The following PCNX2 variants were observed in gnomAD, a reference collection of about 807,000 sequenced individuals.
The protein encoded by PCNX2 is pecanex 2.
Under a neutral mutation model 223.8 loss-of-function variants are expected in PCNX2, and 168 were observed. The ratio of observed to expected loss-of-function variants is 0.75; its 90% CI spans 0.66 to 0.85. PCNX2 has a LOEUF of 0.85. Among genes scored for constraint, PCNX2 ranks in the 40% least tolerant of loss-of-function variants. The pLI, the probability that PCNX2 is intolerant of heterozygous loss-of-function variation, is 0.00. For synonymous variants in PCNX2, 1,006 were observed against 1,052.6 expected, an observed-to-expected ratio of 0.96 and a Z score of 0.86; for missense variants, 2,507 against 2,675.5, an observed-to-expected ratio of 0.94 and a Z score of 1.39.
chr1:233,225,641 C>A (rs1475886025), intron 10 of PCNX2, among the ~76,000 whole-genome samples: 1 of 152,200 alleles, frequency 6.6e-6, no homozygotes, highest in East Asian at 1.9e-4. Context: ...CCTTCCTAGA[C>A]TTCCAATGGA....
the PCNX2 span, among the ~76,000 whole-genome samples, chr1:233,320,055 C>A: frequency 1.3e-5 from 2 of 152,076 alleles, no homozygotes; most frequent in African/African-American, 4.8e-5. Context: ...AATATATTGT[C>A]CTGGCTGAAG....
intron 25 of PCNX2, among the ~76,000 whole-genome samples, chr1:233,028,476 T>C (rs1671158235): frequency 6.6e-6 from 1 of 152,222 alleles, no homozygotes; most frequent in African/African-American, 2.4e-5. Context: ...TATTATGAAA[T>C]ATACTTCTTT....
intron 21 of PCNX2, among the ~76,000 whole-genome samples, chr1:233,114,149 G>A (rs1370055901): frequency 6.6e-6 from 1 of 152,164 alleles, no homozygotes; most frequent in Non-Finnish European, 1.5e-5. Flanking sequence ...TACTTAAAAG[G>A]GTGAAAGGAT....
In PCNX2 at chr1:233,227,389, A is replaced by G; in HGVS notation, c.2359-18T>C. The G allele has an allele frequency of 2.5e-6, 4 of 1,606,232 alleles. No homozygotes were observed. The highest frequency in any genetic ancestry group is 1.1e-5 in the South Asian group (1 of 89,556). On this transcript the variant is annotated intron_variant, in intron 9 of 33. Coordinates refer to ENST00000258229, the MANE Select transcript of PCNX2 (RefSeq NM_014801.4). ...CTCACATGCTTTTAGATACCAAAAG[A>G]AACAACAGAAAAAAGGGCTTTATGT...
intron 28 of PCNX2, among the ~76,000 whole-genome samples, chr1:233,004,854 C>A (rs1016241597): frequency 1.3e-5 from 2 of 152,212 alleles, no homozygotes. Context: ...GAAACAGGAA[C>A]AGCCAGGGGC....
In PCNX2 at chr1:233,217,903, A is replaced by G; in HGVS notation, c.2687T>C (p.Ile896Thr). The G allele has an allele frequency of 1.2e-6, 2 of 1,613,926 alleles. No homozygotes were observed. Among genetic ancestry groups the G allele is most frequent in the Middle Eastern group, 1.7e-4 (1 of 6,058 alleles). ...KSVQPDPASP[I>T]HGHNQIITYS... ...TGCCTGTATTTGGAAACTTACGTGT[A>G]TTGGTGAGGCGGGGTCAGGCTGAAC... The change falls in exon 12 of 34, where the codon ATA (isoleucine) becomes ACA (threonine). Residue 896 changes from isoleucine to threonine, a missense_variant. This residue lies in a region of PCNX2 where 104 missense variants were observed against 144.4 expected (regional missense o/e 0.72). Transcript: ENST00000258229.
chr1:233,139,981 T>C lies in PCNX2; in HGVS notation c.3518-126A>G. ...GCTGCTAATTAAGAACTCGTGATAC[T>C]AGACATGATATACCATTTTTTTCCA... On this transcript the variant is annotated intron_variant, in intron 19 of 33. Transcript: ENST00000258229. This position sits in a 1 kb window ranked among gnomAD's most constrained non-coding sequence, Gnocchi z 4.4. 8.4e-7 allele frequency: 1 copy of C among 1,188,870 alleles called. No individual in the cohort carries two copies. Among genetic ancestry groups the C allele is most frequent in the Non-Finnish European group, 1.2e-6 (1 of 866,706 alleles). The allele number at this position is 1,188,870 out of a possible 1,614,324, so 73.6% of individuals were successfully genotyped here.
intron 25 of PCNX2, among the ~76,000 whole-genome samples, chr1:233,045,925 G>T (rs1182344324): frequency 6.6e-6 from 1 of 152,250 alleles, no homozygotes; most frequent in Non-Finnish European, 1.5e-5. Context: ...TGCAAAGCCT[G>T]CTTTGCTAGC....
intron 21 of PCNX2, among the ~76,000 whole-genome samples, chr1:233,125,652 G>A (rs1426928637): frequency 6.6e-6 from 1 of 152,140 alleles, no homozygotes; most frequent in Admixed American, 6.5e-5. Flanking sequence ...ATGAACATGT[G>A]ACACAAAACG....
intron 15 of PCNX2, among the ~76,000 whole-genome samples, chr1:233,191,243 C>T (rs1005017060): frequency 1.6e-4 from 24 of 152,160 alleles, no homozygotes; most frequent in African/African-American, 5.3e-4. Context: ...GTCTTTTCCT[C>T]CTCCCATATC....
rs552561176 is a variant in PCNX2 at position 233,028,979 on chromosome 1, C to A, written c.4352-3580G>T. On this transcript the variant is annotated intron_variant, in intron 25 of 33. Transcript: ENST00000258229. ...TCAGCCTCCTGAGTAGCTGGGATTA[C>A]AGGTGCCTGCCACCAGGTCCCGCTA... Among the ~76,000 whole-genome samples the A allele has an allele frequency of 3.3e-3, 502 of 151,866 alleles. 1 individual carries two copies. Among genetic ancestry groups the A allele is most frequent in the Admixed American group, 7.4e-3 (113 of 15,236 alleles).
rs371201896 is a variant in PCNX2 at position 233,024,349 on chromosome 1, C to A, written c.4605+797G>T. Among the ~76,000 whole-genome samples, 8 of 152,318 alleles carry A rather than the reference C, an allele frequency of 5.3e-5. No homozygotes were observed. In the East Asian group the frequency reaches 1.4e-3, roughly 26 times the overall value. ...ACGCTGGCAGAGGGCCTTGTGGCCTCCGACGGATGAGCTTCCTCTTTTTGA... is the reference window on the plus strand; with the variant it reads ...ACGCTGGCAGAGGGCCTTGTGGCCTACGACGGATGAGCTTCCTCTTTTTGA... On this transcript the variant is annotated intron_variant, in intron 26 of 33. Transcript: ENST00000258229.
intron 1 of PCNX2, chr1:233,288,783 C>T: frequency 1.5e-6 from 1 of 679,882 alleles, no homozygotes; most frequent in Non-Finnish European, 2.4e-6. Flanking sequence ...TTTTGGAGGC[C>T]CAGGACCCAG....
At chr1:233,053,535 A>AGCTTCACGT (rs1672081728) in intron 25 of PCNX2, among the ~76,000 whole-genome samples, 8 of 152,182 alleles carry the variant, frequency 5.3e-5, no homozygotes, top group African/African-American at 1.9e-4. Flanking sequence ...CATGGTGATA[A>AGCTTCACGT]GACTCTTTTA....
intron 25 of PCNX2, among the ~76,000 whole-genome samples, chr1:233,029,399 A>G (rs1469422782): frequency 1.3e-5 from 2 of 152,328 alleles, no homozygotes; most frequent in African/African-American, 4.8e-5. Flanking sequence ...ACCCAAATAT[A>G]CATTCTTATA....
Position 233,000,230 on chromosome 1 carries a change from C to T in PCNX2, c.5328+75G>A, listed in dbSNP as rs1051701438. ...AGACTCCTGTGTCAGTGCCCCCCTG[C>T]CCACCACCATTCTATTTCTTCTCAG... On this transcript the variant is annotated intron_variant, in intron 30 of 33. Transcript: ENST00000258229. The surrounding 1 kb of genome is among the most constrained non-coding windows in gnomAD (Gnocchi z 4.6). 5.0e-6 allele frequency: 7 copies of T among 1,396,490 alleles called. No homozygotes were observed. Among genetic ancestry groups the T allele is most frequent in the African/African-American group, 4.2e-5 (3 of 70,666 alleles). The allele number at this position is 1,396,490 out of a possible 1,614,324, so 86.5% of individuals were successfully genotyped here. A position where few individuals can be genotyped will look rare whatever the true frequency, so the allele number is the denominator to read the frequency against.
chr1:233,080,322 T>C (rs961069989), intron 23 of PCNX2, among the ~76,000 whole-genome samples: 1 of 151,956 alleles, frequency 6.6e-6, no homozygotes, highest in Admixed American at 6.6e-5. Flanking sequence ...ACCTGCTGTC[T>C]CCCCAAACAC....
intron 9 of PCNX2, among the ~76,000 whole-genome samples, chr1:233,236,574 C>G (rs1658428361): frequency 6.6e-6 from 1 of 151,886 alleles, no homozygotes; most frequent in Non-Finnish European, 1.5e-5. Flanking sequence ...TCCTGGCAAC[C>G]AAAAATCAAT....
chr1:233,200,942 C>A (rs890087248), intron 13 of PCNX2, among the ~76,000 whole-genome samples: 2 of 146,616 alleles, frequency 1.4e-5, no homozygotes, highest in African/African-American at 5.0e-5. Context: ...AGGAGAATGG[C>A]GTGAACCCGG....
Sources: allele counts gnomAD v4.1 joint callset (sites outside exome capture counted in the v4.1 genomes callset), GRCh38; gene constraint gnomAD v4.1.1; regional missense constraint gnomAD v4.1.1; non-coding constraint Gnocchi (gnomAD v3.1); transcripts MANE v1.5; gene names NCBI Gene and HGNC (gene_info 2026-07-23, HGNC 2026-07-21).